PCDH15: variants seen among roughly 807,000 people sequenced by gnomAD.
PCDH15 encodes protocadherin-15.
A neutral mutation model predicts 178.5 loss-of-function variants in PCDH15; 129 were observed. The ratio of observed to expected loss-of-function variants is 0.72; its 90% confidence interval spans 0.63 to 0.84. PCDH15 has a LOEUF of 0.84. Among genes scored for constraint, PCDH15 ranks in the 40% least tolerant of loss-of-function variants. PCDH15 has a pLI of 0.00. For missense variants in PCDH15, 2,230 were observed against 2,099.9 expected (o/e 1.06, Z -1.21); for synonymous variants, 800 against 732.0 (o/e 1.09, Z -1.50).
intron 2 of PCDH15, among the ~76,000 whole-genome samples, chr10:55,019,689 T>C (rs1840275170): frequency 6.6e-6 from 1 of 152,186 alleles, no homozygotes; most frequent in Non-Finnish European, 1.5e-5. Context: ...TTCATGAAAC[T>C]GTGGCCAACT....
intron 2 of PCDH15, among the ~76,000 whole-genome samples, chr10:55,117,913 C>A (rs1437110723): frequency 6.6e-6 from 1 of 152,124 alleles, no homozygotes; most frequent in Non-Finnish European, 1.5e-5. Flanking sequence ...TGGAATATAT[C>A]TGTGCTGTGG....
chr10:54,881,082 T>G (rs1412155998), intron 3 of PCDH15, among the ~76,000 whole-genome samples: 2 of 152,036 alleles, frequency 1.3e-5, no homozygotes, highest in African/African-American at 2.4e-5. Context: ...CAGCATCTTT[T>G]CTGACTTTTA....
chr10:55,142,669 A>G (rs887787871), intron 2 of PCDH15, among the ~76,000 whole-genome samples: 2 of 134,830 alleles, frequency 1.5e-5, no homozygotes, highest in Non-Finnish European at 3.3e-5. Flanking sequence ...AAGATGGATA[A>G]TTTAATATTA....
At chr10:55,144,444 G>C (rs550927419) in intron 2 of PCDH15, among the ~76,000 whole-genome samples, 2 of 152,052 alleles carry the variant, frequency 1.3e-5, no homozygotes, top group South Asian at 4.1e-4. Flanking sequence ...GCCTAATTAG[G>C]GTAAGTATAA....
In PCDH15 at chr10:53,806,393, G is replaced by GAA. The variant is rs1841156865; in HGVS notation, c.*184_*185dup. 1 of 549,514 alleles carries GAA rather than the reference G, an allele frequency of 1.8e-6. No homozygotes were observed. The allele number at this position is 549,514 out of a possible 1,614,324, so 34.0% of individuals were successfully genotyped here. Reference sequence around the variant, plus strand: ...AAGTATGTCCAAAAGGATTTTCTGGGAAAAACGATTAATTGATAACAATGT... The same window carrying GAA: ...AAGTATGTCCAAAAGGATTTTCTGGGAAAAAAACGATTAATTGATAACAATGT... On this transcript the variant is annotated 3_prime_UTR_variant, in exon 38 of 38. Transcript: ENST00000644397.
chr10:54,873,562 A>G (rs200507252), intron 3 of PCDH15, among the ~76,000 whole-genome samples: 21 of 143,900 alleles, frequency 1.5e-4, no homozygotes, highest in East Asian at 4.0e-4. Flanking sequence ...ACATATACGT[A>G]TGTGTGTGTG....
rs1216302970 is a variant in PCDH15, at chr10:54,528,741, G to GA, written c.92-865dup. Among the ~76,000 whole-genome samples, 3 of 151,960 alleles carry GA rather than the reference G, an allele frequency of 2.0e-5. No individual in the cohort carries two copies. The East Asian group carries it at 5.8e-4, about 29-fold the overall frequency. ...ATGAACAGTCTGTTATCTGTATGCT[G>GA]AAAAAACTTTAAGAATAGTGCCTGT... is the stretch of plus-strand genomic sequence containing the variant. On this transcript the variant is annotated intron_variant, in intron 2 of 37. Coordinates refer to ENST00000644397, the MANE Select transcript of PCDH15 (RefSeq NM_001384140.1).
At chr10:55,415,159 A>G (rs1838447120) in intron 2 of PCDH15, among the ~76,000 whole-genome samples, 1 of 151,600 alleles carries the variant, frequency 6.6e-6, no homozygotes, top group East Asian at 1.9e-4. Context: ...TTTGGCCCTT[A>G]TTGAAATGAT....
chr10:53,902,816 T>G (rs935944298), intron 26 of PCDH15, among the ~76,000 whole-genome samples: 9 of 152,070 alleles, frequency 5.9e-5, no homozygotes, highest in African/African-American at 1.9e-4. Context: ...TTTTTTACTT[T>G]CATTCAATCA....
chr10:55,351,413 A>G (rs1353346220), intron 2 of PCDH15, among the ~76,000 whole-genome samples: 2 of 152,062 alleles, frequency 1.3e-5, no homozygotes, highest in Admixed American at 6.6e-5. Flanking sequence ...TACTAACCTT[A>G]TAAGTGGGAC....
chr10:53,845,029 C>A (rs2077881854), intron 28 of PCDH15, among the ~76,000 whole-genome samples: 1 of 151,554 alleles, frequency 6.6e-6, no homozygotes, highest in South Asian at 2.1e-4. Flanking sequence ...CAGATAAAAA[C>A]CAAATAATCC....
intron 2 of PCDH15, among the ~76,000 whole-genome samples, chr10:54,581,204 T>A (rs1032822420): frequency 1.3e-5 from 2 of 152,082 alleles, no homozygotes; most frequent in African/African-American, 4.8e-5. Flanking sequence ...TCAAAGACTC[T>A]GCTGAAAGGC....
chr10:54,442,174 A>G (rs866870731), intron 3 of PCDH15, among the ~76,000 whole-genome samples: 1 of 150,916 alleles, frequency 6.6e-6, no homozygotes, highest in Non-Finnish European at 1.5e-5. Flanking sequence ...TCCTACAGCA[A>G]CTTCTGGGAG....
intron 8 of PCDH15, among the ~76,000 whole-genome samples, chr10:54,303,200 G>A (rs570614619): frequency 3.3e-5 from 5 of 152,022 alleles, no homozygotes; most frequent in Non-Finnish European, 7.4e-5. Context: ...ATCACTCAGA[G>A]AATTGCTGAT....
intron 3 of PCDH15, among the ~76,000 whole-genome samples, chr10:54,859,049 A>G (rs1162765825): frequency 5.9e-5 from 9 of 152,080 alleles, no homozygotes; most frequent in Admixed American, 5.9e-4. Flanking sequence ...TTAGTAGTGT[A>G]TCATTATTCC....
chr10:54,095,693 T>A (rs1206551229), intron 15 of PCDH15, among the ~76,000 whole-genome samples: 1 of 152,098 alleles, frequency 6.6e-6, no homozygotes, highest in Non-Finnish European at 1.5e-5. Flanking sequence ...CATTTGGAAG[T>A]GAGCATAAAT....
Position 54,412,282 on chromosome 10 carries a change from A to G in PCDH15, c.158-33340T>C, listed in dbSNP as rs1392017806. Among the ~76,000 whole-genome samples, 4 of 150,354 alleles carry G rather than the reference A, an allele frequency of 2.7e-5. No homozygotes were observed. The East Asian group carries it at 7.7e-4, about 29-fold the overall frequency. ...TTAATATATATTTAAAATTATATAT[A>G]TGTTAAGTAAAACAGAAGTTACTAA... On this transcript the variant is annotated intron_variant, in intron 3 of 37. Transcript: ENST00000644397.
chr10:54,004,420 C>CAT, intron 20 of PCDH15, among the ~76,000 whole-genome samples: 2 of 74,116 alleles, frequency 2.7e-5, no homozygotes, highest in South Asian at 9.5e-4. Context: ...CACACACACA[C>CAT]ACACACCACA....
intron 1 of PCDH15, among the ~76,000 whole-genome samples, chr10:55,189,896 C>A (rs1398205894): frequency 6.6e-6 from 1 of 151,636 alleles, no homozygotes; most frequent in Non-Finnish European, 1.5e-5. Flanking sequence ...TCCCATGACC[C>A]AGAAATTATT....
Sources: gnomAD v4.1 joint callset for allele counts (sites outside exome capture counted in the v4.1 genomes callset) on GRCh38, gnomAD v4.1.1 for gene constraint, MANE v1.5 for transcripts, NCBI Gene and HGNC (gene_info 2026-07-23, HGNC 2026-07-21) for gene names.